BCL2L14: variants seen among roughly 807,000 people sequenced by gnomAD.
The protein encoded by BCL2L14 is BCL2 like 14, also known as apoptosis facilitator Bcl-2-like protein 14.
BCL2L14 carries 27 observed loss-of-function variants against 35.3 expected under a neutral mutation model. That is an observed-to-expected ratio of 0.76 (90% CI 0.56 to 1.05). BCL2L14 has a LOEUF of 1.05. Among genes scored for constraint, BCL2L14 ranks in the 50% least tolerant of loss-of-function variants. BCL2L14 has a pLI of 0.00. For synonymous variants in BCL2L14, 139 were observed against 145.9 expected, an observed-to-expected ratio of 0.95 and a Z score of 0.34; for missense variants, 377 against 382.6, an observed-to-expected ratio of 0.99 and a Z score of 0.12.
chr12:12,051,260 C>T (rs1948354360), intron 1 of BCL2L14, among the ~76,000 whole-genome samples: 1 of 152,192 alleles, frequency 6.6e-6, no homozygotes, highest in South Asian at 2.1e-4. Flanking sequence ...AAGCCAGACT[C>T]AGGTCTACTG....
intron 2 of BCL2L14, among the ~76,000 whole-genome samples, chr12:12,056,231 G>C (rs1335693935): frequency 6.6e-6 from 1 of 152,156 alleles, no homozygotes; most frequent in South Asian, 2.1e-4. Context: ...CACCAACTGC[G>C]ATAGTCCCGG....
At chr12:12,097,030 G>A (rs1185770528) in intron 5 of BCL2L14, among the ~76,000 whole-genome samples, 4 of 152,174 alleles carry the variant, frequency 2.6e-5, no homozygotes, top group African/African-American at 9.7e-5. Flanking sequence ...TGTAGTCCCA[G>A]CTACTCAGGG....
At chr12:12,056,075 C>T (rs1225089708) in intron 2 of BCL2L14, among the ~76,000 whole-genome samples, 2 of 151,548 alleles carry the variant, frequency 1.3e-5, no homozygotes, top group Admixed American at 6.6e-5. Context: ...AATCCCCTGA[C>T]TCCCAATGTT....
At chr12:12,079,177 T>C in intron 1 of BCL2L14, 122 bp from the exon 2 acceptor site, 1 of 832,944 alleles carries the variant, frequency 1.2e-6, no homozygotes, top group Non-Finnish European at 1.9e-6. Context: ...CTCTCTACCC[T>C]CCAGCACAAA....
At chr12:12,078,797 C>T (rs1413893729) in intron 1 of BCL2L14, among the ~76,000 whole-genome samples, 6 of 148,230 alleles carry the variant, frequency 4.0e-5, no homozygotes, top group East Asian at 1.9e-4. Context: ...CATTCTCTCT[C>T]TGTTGTTTTT....
chr12:12,076,974 G>A (rs982062076), intron 1 of BCL2L14, among the ~76,000 whole-genome samples: 1 of 152,136 alleles, frequency 6.6e-6, no homozygotes, highest in African/African-American at 2.4e-5. Flanking sequence ...CAGGTTAGAA[G>A]CTGAGCCAGC....
intron 4 of BCL2L14, among the ~76,000 whole-genome samples, chr12:12,091,438 C>A (rs1949186487): frequency 6.6e-6 from 1 of 152,164 alleles, no homozygotes; most frequent in Non-Finnish European, 1.5e-5. Flanking sequence ...AGTTGGTGAG[C>A]AAACCTTCAA....
chr12:12,088,627 G>A (rs1949099771), intron 3 of BCL2L14, among the ~76,000 whole-genome samples: 1 of 152,158 alleles, frequency 6.6e-6, no homozygotes, highest in South Asian at 2.1e-4. Context: ...TCATTAAAAG[G>A]AAAACCTTCC....
At chr12:12,056,317 A>G (rs2067684333) in intron 2 of BCL2L14, among the ~76,000 whole-genome samples, 2 of 152,182 alleles carry the variant, frequency 1.3e-5, no homozygotes, top group Admixed American at 6.5e-5. Context: ...CACTATTTGT[A>G]TACATTTAAA....
intron 1 of BCL2L14, among the ~76,000 whole-genome samples, chr12:12,074,734 C>A (rs1948742875): frequency 6.6e-6 from 1 of 152,186 alleles, no homozygotes; most frequent in Non-Finnish European, 1.5e-5. Flanking sequence ...CCACCGCGCC[C>A]AGCCCAGATA....
At chr12:12,063,922 C>A (rs1948563528) in intron 2 of BCL2L14, among the ~76,000 whole-genome samples, 1 of 152,104 alleles carries the variant, frequency 6.6e-6, no homozygotes, top group South Asian at 2.1e-4. Context: ...GAACAACCCC[C>A]CTTCTTCCTT....
Position 12,093,794 on chromosome 12 carries a change from G to GAA in BCL2L14, c.679-859_679-858dup, listed in dbSNP as rs36147842. 4.1e-4 allele frequency among the ~76,000 whole-genome samples: 54 copies of GAA among 131,668 alleles called. 1 individual carries two copies. The highest frequency in any genetic ancestry group is 8.7e-4 in the East Asian group (4 of 4,618). The allele number at this position is 131,668 out of a possible 152,430, so 86.4% of individuals were successfully genotyped here. On this transcript the variant is annotated intron_variant, in intron 4 of 5. Transcript: ENST00000308721. ...GGCAAGAGAGTGAGACTCCATCTCA[G>GAA]AAAAAAAAAAAAGAAAGAAAGAAAA...
At chr12:12,092,224 A>T (rs1314564987) in intron 4 of BCL2L14, among the ~76,000 whole-genome samples, 1 of 152,188 alleles carries the variant, frequency 6.6e-6, no homozygotes, top group Non-Finnish European at 1.5e-5. Flanking sequence ...GACGAAGGCC[A>T]CCGATCTCAG....
chr12:12,059,613 C>CA (rs1273217531), intron 2 of BCL2L14, among the ~76,000 whole-genome samples: 1 of 151,892 alleles, frequency 6.6e-6, no homozygotes, highest in Non-Finnish European at 1.5e-5. Context: ...GGCAAGAACC[C>CA]CCTACCCCTT....
rs531083224 is a variant in BCL2L14, at chr12:12,083,106, G to A, written c.433+3368G>A. Among the ~76,000 whole-genome samples, 15 of 151,852 alleles carry A rather than the reference G, an allele frequency of 9.9e-5. No homozygotes were observed. In the South Asian group the frequency reaches 2.1e-3, roughly 21 times the overall value. On this transcript the variant is annotated intron_variant, in intron 2 of 5. Coordinates refer to ENST00000308721, the MANE Select transcript of BCL2L14 (RefSeq NM_138723.2). Reference sequence around the variant, plus strand: ...CAGCCTCCCGAGTAGCTGGGACTACGGGCGCCCACCACCACGCCCGGCTAA... The same window carrying A: ...CAGCCTCCCGAGTAGCTGGGACTACAGGCGCCCACCACCACGCCCGGCTAA...
At chr12:12,052,186 A>G (rs1948366924) in intron 2 of BCL2L14, among the ~76,000 whole-genome samples, 1 of 152,238 alleles carries the variant, frequency 6.6e-6, no homozygotes, top group Admixed American at 6.5e-5. Flanking sequence ...GAATGATTAA[A>G]TCAGGCTAAT....
chr12:12,056,991 G>A (rs1948442623), intron 2 of BCL2L14, among the ~76,000 whole-genome samples: 1 of 152,104 alleles, frequency 6.6e-6, no homozygotes, highest in Non-Finnish European at 1.5e-5. Flanking sequence ...TTCTTAAGGG[G>A]AAAATCATGA....
intron 1 of BCL2L14, among the ~76,000 whole-genome samples, chr12:12,077,468 C>T (rs932004871): frequency 4.2e-5 from 6 of 143,610 alleles, no homozygotes; most frequent in Admixed American, 7.3e-5. Flanking sequence ...TCCCTTGAGC[C>T]GGGGAGGTTG....
chr12:12,081,069 C>T (rs1220686197), intron 2 of BCL2L14, among the ~76,000 whole-genome samples: 6 of 151,996 alleles, frequency 3.9e-5, no homozygotes, highest in African/African-American at 1.4e-4. Flanking sequence ...CGCCTGTGGT[C>T]CTGGCTACTC....
Sources: allele counts gnomAD v4.1 joint callset (sites outside exome capture counted in the v4.1 genomes callset), GRCh38; gene constraint gnomAD v4.1.1; transcripts MANE v1.5; gene names NCBI Gene and HGNC (gene_info 2026-07-23, HGNC 2026-07-21).